The following EPHB1 variants were observed in gnomAD, a reference collection of about 807,000 sequenced individuals.
The protein encoded by EPHB1 is EPH receptor B1, also known as ephrin type-B receptor 1.
A neutral mutation model predicts 94.4 loss-of-function variants in EPHB1; 30 were observed. The ratio of observed to expected loss-of-function variants is 0.32; its 90% CI spans 0.24 to 0.43. EPHB1 has a LOEUF of 0.43. Among genes scored for constraint, EPHB1 ranks in the 20% least tolerant of loss-of-function variants. The pLI is 1.00. For missense variants in EPHB1, 1,055 were observed against 1,308.3 expected (o/e 0.81, Z 2.99); for synonymous variants, 522 against 489.1 (o/e 1.07, Z -0.89).
intron 3 of EPHB1, among the ~76,000 whole-genome samples, chr3:135,070,662 G>GA (rs1937674599): frequency 6.6e-6 from 1 of 151,822 alleles, no homozygotes; most frequent in African/African-American, 2.4e-5. Flanking sequence ...CATAATGAAG[G>GA]AAAAAATAAT....
At chr3:135,115,646 C>T (rs16842630) in intron 4 of EPHB1, among the ~76,000 whole-genome samples, 27,167 of 152,022 alleles carry the variant, frequency 0.18, 3,454 homozygotes, top group East Asian at 0.59. Context: ...GGTAAGAGCC[C>T]TACTGTGGAA....
At chr3:135,070,544 G>A (rs1937669363) in intron 3 of EPHB1, among the ~76,000 whole-genome samples, 1 of 152,158 alleles carries the variant, frequency 6.6e-6, no homozygotes, top group African/African-American at 2.4e-5. Flanking sequence ...GTTCAAGGAA[G>A]TAAGAAAGGG....
chr3:135,113,965 T>C (rs922560332), intron 4 of EPHB1, among the ~76,000 whole-genome samples: 4 of 152,224 alleles, frequency 2.6e-5, no homozygotes, highest in Non-Finnish European at 5.9e-5. Flanking sequence ...AGAAAAGTCA[T>C]GGATTTTCCT....
intron 3 of EPHB1, among the ~76,000 whole-genome samples, chr3:135,040,846 A>G (rs1936810256): frequency 6.6e-6 from 1 of 152,188 alleles, no homozygotes; most frequent in Non-Finnish European, 1.5e-5. Flanking sequence ...GGAGGAGGAG[A>G]TAGAGGAAGT....
intron 12 of EPHB1, among the ~76,000 whole-genome samples, chr3:135,218,833 G>A (rs1271340861): frequency 6.6e-6 from 1 of 152,154 alleles, no homozygotes; most frequent in African/African-American, 2.4e-5. Context: ...GTGCTATGGC[G>A]GAGAAGCATA....
At chr3:134,895,018 T>C (rs1050585039) in intron 1 of EPHB1, among the ~76,000 whole-genome samples, 13 of 152,258 alleles carry the variant, frequency 8.5e-5, no homozygotes, top group African/African-American at 2.9e-4. Flanking sequence ...GGCTTCTGCA[T>C]TGAAACAGGC....
intron 12 of EPHB1, among the ~76,000 whole-genome samples, chr3:135,240,018 C>A (rs948306491): frequency 6.6e-6 from 1 of 152,176 alleles, no homozygotes; most frequent in African/African-American, 2.4e-5. Flanking sequence ...CAGACAAAGG[C>A]TCCAGGAGTT....
At chr3:135,138,628 G>T (rs1940706870) in intron 5 of EPHB1, among the ~76,000 whole-genome samples, 1 of 152,008 alleles carries the variant, frequency 6.6e-6, no homozygotes, top group African/African-American at 2.4e-5. Context: ...GAAATTAGCA[G>T]GCAAAATTTG....
At chr3:135,082,938 G>T (rs1438681175) in intron 3 of EPHB1, among the ~76,000 whole-genome samples, 1 of 152,148 alleles carries the variant, frequency 6.6e-6, no homozygotes, top group Non-Finnish European at 1.5e-5. Context: ...TGTAGTTGAG[G>T]CATGTGGAAG....
chr3:135,041,421 C>A (rs1936839332), intron 3 of EPHB1, among the ~76,000 whole-genome samples: 1 of 152,168 alleles, frequency 6.6e-6, no homozygotes, highest in Non-Finnish European at 1.5e-5. Flanking sequence ...GATACCTCCT[C>A]ACATGGAGTT....
At chr3:134,833,707 C>T (rs1330572142) in intron 1 of EPHB1, among the ~76,000 whole-genome samples, 1 of 152,116 alleles carries the variant, frequency 6.6e-6, no homozygotes, top group Non-Finnish European at 1.5e-5. Context: ...TCTAGAGGAG[C>T]TGCCTGTGAG....
chr3:135,201,554 G>A lies in EPHB1; in HGVS notation c.2211G>A (p.Glu737=). 1 of 1,614,050 alleles carries A rather than the reference G, an allele frequency of 6.2e-7. No homozygotes were observed. Among genetic ancestry groups the A allele is most frequent in the Middle Eastern group, 1.6e-4 (1 of 6,062 alleles). The change falls in exon 12 of 16, where the codon GAG becomes GAA. Residue 737 remains glutamate (E), a synonymous_variant. Coordinates refer to ENST00000398015, the MANE Select transcript of EPHB1 (RefSeq NM_004441.5). ...GIAAGMKYLA[E]MNYVHRDLAA... ...CTGCTGGCATGAAGTACCTGGCTGA[G>A]ATGAATTATGTGCATCGGGACCTGG...
intron 3 of EPHB1, among the ~76,000 whole-genome samples, chr3:135,029,392 T>C (rs1186054230): frequency 6.6e-6 from 1 of 150,940 alleles, no homozygotes; most frequent in Non-Finnish European, 1.5e-5. Context: ...TAGCGCTTCC[T>C]TCAGAAGCTC....
intron 12 of EPHB1, among the ~76,000 whole-genome samples, chr3:135,234,113 C>T (rs1388554841): frequency 2.6e-5 from 4 of 152,136 alleles, no homozygotes; most frequent in African/African-American, 9.7e-5. Context: ...ATGGGTTTTT[C>T]TTTCCTATCT....
intron 5 of EPHB1, among the ~76,000 whole-genome samples, chr3:135,140,787 C>T (rs1451929171): frequency 1.4e-4 from 21 of 152,190 alleles, no homozygotes; most frequent in Non-Finnish European, 5.9e-5. Flanking sequence ...TGTTGTCTGT[C>T]CCCCTGCATG....
chr3:134,943,778 A>C (rs1171141171), intron 2 of EPHB1, among the ~76,000 whole-genome samples: 1 of 152,176 alleles, frequency 6.6e-6, no homozygotes, highest in African/African-American at 2.4e-5. Flanking sequence ...CACTTGGGAT[A>C]CAGGGATAAA....
At chr3:135,150,174 A>AT (rs1459483891) in intron 5 of EPHB1, among the ~76,000 whole-genome samples, 1 of 152,208 alleles carries the variant, frequency 6.6e-6, no homozygotes, top group Non-Finnish European at 1.5e-5. Context: ...TGATCTTTCC[A>AT]TTTTTTAAAT....
chr3:134,809,836 A>C (rs1337292930), intron 1 of EPHB1, among the ~76,000 whole-genome samples: 1 of 152,246 alleles, frequency 6.6e-6, no homozygotes, highest in African/African-American at 2.4e-5. Flanking sequence ...ATATGTTTTC[A>C]GAAAGAGAGT....
At chr3:135,258,952 T>C (rs1933532719) in intron 15 of EPHB1, 60 bp from the exon 16 acceptor site, 1 of 1,332,536 alleles carries the variant, frequency 7.5e-7, no homozygotes, top group South Asian at 1.3e-5. Context: ...TGATGAGTTT[T>C]GATCTGCGAA....
Sources: allele counts gnomAD v4.1 joint callset (sites outside exome capture counted in the v4.1 genomes callset), GRCh38; gene constraint gnomAD v4.1.1; transcripts MANE v1.5; gene names NCBI Gene and HGNC (gene_info 2026-07-23, HGNC 2026-07-21).